Variants in MYMK observed in about 807,000 individuals in gnomAD.
MYMK encodes the protein protein myomaker.
MYMK carries 16 observed loss-of-function variants against 22.4 expected under a neutral mutation model. That is an observed-to-expected ratio of 0.72 (90% CI 0.48 to 1.09). The LOEUF (loss-of-function observed/expected upper bound fraction) is 1.09, where lower values mean the gene tolerates loss of function less well. Ranked by LOEUF, MYMK falls within the 50% of genes least tolerant of loss-of-function variation. MYMK has a pLI of 0.00. For missense variants in MYMK, 250 were observed against 295.6 expected, an observed-to-expected ratio of 0.85 and a Z score of 1.13; for synonymous variants, 125 against 127.0, an observed-to-expected ratio of 0.98 and a Z score of 0.11.
At chr9:133,524,418 G>A (rs569177979) in intron 1 of MYMK, among the ~76,000 whole-genome samples, 11 of 152,220 alleles carry the variant, frequency 7.2e-5, no homozygotes, top group East Asian at 1.9e-4. Flanking sequence ...AAAGGGGCAC[G>A]CTGGAAGGGT....
chr9:133,523,950 G>A (rs1844733378), intron 1 of MYMK, among the ~76,000 whole-genome samples: 1 of 152,108 alleles, frequency 6.6e-6, no homozygotes, highest in African/African-American at 2.4e-5. Flanking sequence ...CCCAGAAAGA[G>A]AGAGAGAGAA....
rs538117168 is a variant in MYMK, at chr9:133,515,563, G to A, written c.444C>T (p.Ser148=). 58 of 1,613,968 alleles carry A rather than the reference G, an allele frequency of 3.6e-5. No homozygotes were observed. Among genetic ancestry groups the A allele is most frequent in the South Asian group, 1.5e-4 (14 of 91,076 alleles). The change falls in exon 4 of 5, where the codon AGC becomes AGT. Residue 148 remains serine, a synonymous_variant. Coordinates refer to ENST00000339996, the MANE Select transcript of MYMK (RefSeq NM_001080483.3). This position sits in a 1 kb window ranked among gnomAD's most constrained non-coding sequence, Gnocchi z 5.8. ...CGGGGCCTATCTGCTGGGTGTAGAC[G>A]CTCTTGTCTGGGTACAGGCCCTTCT... ...KEKKGLYPDK[S]VYTQQIGPGL...
chr9:133,514,864 C>T lies in MYMK; in HGVS notation c.517-79G>A, dbSNP rs1485893130. ...CCCTCTCCAAGACCCAGCAGAGCCC[C>T]TTCAGGCCCCCGCCTCTGCCAGGGC... is the stretch of plus-strand genomic sequence containing the variant. On this transcript the variant is annotated intron_variant, in intron 4 of 4. Coordinates refer to ENST00000339996, the MANE Select transcript of MYMK (RefSeq NM_001080483.3). 2.7e-6 allele frequency: 4 copies of T among 1,468,376 alleles called. No individual in the cohort carries two copies. The Admixed American group carries it at 6.6e-5, about 24-fold the overall frequency. The allele number at this position is 1,468,376 out of a possible 1,614,324, so 91.0% of individuals were successfully genotyped here.
At chr9:133,522,646 G>A (rs1844715042) in intron 1 of MYMK, among the ~76,000 whole-genome samples, 1 of 152,210 alleles carries the variant, frequency 6.6e-6, no homozygotes, top group African/African-American at 2.4e-5. Flanking sequence ...GTGGCCTGGT[G>A]GGTGCTTGTG....
chr9:133,518,847 G>A (rs113493626), intron 3 of MYMK, 27 bp downstream of exon 3: 13 of 1,592,886 alleles, frequency 8.2e-6, no homozygotes, highest in Middle Eastern at 1.7e-4. Context: ...CTGGGTCCCC[G>A]TTCATCGAGG....
At position 133,515,591 on chromosome 9, in the gene MYMK, T is replaced by C; in HGVS notation, c.416A>G (p.Glu139Gly). 6.2e-7 allele frequency: 1 copy of C among 1,612,840 alleles called. No homozygotes were observed. The highest frequency in any genetic ancestry group is 1.1e-5 in the South Asian group (1 of 91,044). Reference sequence around the variant, plus strand: ...CTTGTCTGGGTACAGGCCCTTCTTCTCCTTCATCTTCTGTAGCTGTGAGGA... The same window carrying C: ...CTTGTCTGGGTACAGGCCCTTCTTCCCCTTCATCTTCTGTAGCTGTGAGGA... ...IAAKWLQKMK[E>G]KKGLYPDKSV... Residue 139 changes from glutamate to glycine, a missense_variant, in exon 4 of 5, where the codon GAG becomes GGG. By Grantham distance (98) the Glu-to-Gly change is moderately conservative. Transcript: ENST00000339996. This position sits in a 1 kb window ranked among gnomAD's most constrained non-coding sequence, Gnocchi z 5.8.
At chr9:133,520,047 G>C in intron 2 of MYMK, 127 bp downstream of exon 2, 1 of 669,852 alleles carries the variant, frequency 1.5e-6, no homozygotes, top group Non-Finnish European at 2.7e-6. Context: ...GACAAGGGAA[G>C]ACATTCCTGG....
chr9:133,520,109 G>T, intron 2 of MYMK, 65 bp downstream of exon 2: 1 of 1,284,212 alleles, frequency 7.8e-7, no homozygotes, highest in Non-Finnish European at 1.1e-6. Flanking sequence ...TTTGAGGCTG[G>T]GTGTGCGGAC....
At chr9:133,517,684 A>C (rs1336756696) in intron 3 of MYMK, among the ~76,000 whole-genome samples, 1 of 118,712 alleles carries the variant, frequency 8.4e-6, no homozygotes, top group Non-Finnish European at 1.9e-5. Flanking sequence ...AAAAAAAAAA[A>C]GTCAGGTTCT....
rs1345813773 is a variant in MYMK, at chr9:133,524,820, G to A, written c.25C>T (p.Leu9Phe). ...GCCAGGCTGCTGAGGGTGGGCAGGA[G>A]CAGCTTGGCCACCAGCGTCCCCATG... Reference protein sequence around the residue: MGTLVAKLLLPTLSSLAFL... With the variant: MGTLVAKLFLPTLSSLAFL... The change falls in exon 1 of 5, where the codon CTC (leucine) becomes TTC (phenylalanine). Residue 9 changes from leucine (L) to phenylalanine (F), a missense_variant. Coordinates refer to ENST00000339996, the MANE Select transcript of MYMK (RefSeq NM_001080483.3). 6 of 1,612,764 alleles carry A rather than the reference G, an allele frequency of 3.7e-6. No individual in the cohort carries two copies. Among genetic ancestry groups the A allele is most frequent in the Admixed American group, 1.7e-5 (1 of 59,930 alleles).
At chr9:133,520,383 AG>A (rs1844688954) in intron 1 of MYMK, 95 bp from the exon 2 acceptor site, 1 of 933,848 alleles carries the variant, frequency 1.1e-6, no homozygotes, top group Non-Finnish European at 1.7e-6. Flanking sequence ...GCTGGCTGTG[AG>A]AAGTCACTTT....
Position 133,515,487 on chromosome 9 carries a change from G to A in MYMK, c.516+4C>T, listed in dbSNP as rs1044975691. 8 of 1,600,256 alleles carry A rather than the reference G, an allele frequency of 5.0e-6. No homozygotes were observed. Among genetic ancestry groups the A allele is most frequent in the East Asian group, 2.2e-5 (1 of 44,730 alleles). On this transcript the variant is annotated splice_donor_region_variant and intron_variant, in intron 4 of 4. Coordinates refer to ENST00000339996, the MANE Select transcript of MYMK (RefSeq NM_001080483.3). The surrounding 1 kb of genome is among the most constrained non-coding windows in gnomAD (Gnocchi z 5.8). ...ACAGGACACCTCCCCGCTGGGCTTG[G>A]TACCTCAAAGAAGAAGCGTAGCATC...
At chr9:133,523,848 A>G (rs1380273740) in intron 1 of MYMK, among the ~76,000 whole-genome samples, 1 of 152,132 alleles carries the variant, frequency 6.6e-6, no homozygotes, top group Non-Finnish European at 1.5e-5. Flanking sequence ...CCAGAAATCA[A>G]AAGAGAACCA....
chr9:133,514,676 G>C lies in MYMK; in HGVS notation c.626C>G (p.Ala209Gly). ...NKKAGSPGTPAKLDCSTLCCA... is the reference protein window; with the variant it reads ...NKKAGSPGTPGKLDCSTLCCA... ...GCACAGGGTGGAGCAGTCCAGCTTG[G>C]CCGGGGTCCCCGGGGATCCAGCCTT... Residue 209 changes from alanine to glycine, a missense_variant, in exon 5 of 5, where the codon GCC (alanine) becomes GGC (glycine). By Grantham distance (60) the Ala-to-Gly change is moderately conservative. Coordinates refer to ENST00000339996, the MANE Select transcript of MYMK (RefSeq NM_001080483.3). 2 of 1,613,972 alleles carry C rather than the reference G, an allele frequency of 1.2e-6. No individual in the cohort carries two copies. Among genetic ancestry groups the C allele is most frequent in the Non-Finnish European group, 1.7e-6 (2 of 1,179,842 alleles).
In MYMK at chr9:133,515,820, G is replaced by C. The variant is rs1239079864; in HGVS notation, c.400-213C>G. Among the ~76,000 whole-genome samples, 1 of 152,156 alleles carries C rather than the reference G, an allele frequency of 6.6e-6. No individual in the cohort carries two copies. Among genetic ancestry groups the C allele is most frequent in the Admixed American group, 6.5e-5 (1 of 15,284 alleles). ...GCGACCCAGCAGAGACCCCAGCCTG[G>C]ATGGCTGGGAAGGAAGCCACTGGGC... On this transcript the variant is annotated intron_variant, in intron 3 of 4. Transcript: ENST00000339996. This position sits in a 1 kb window ranked among gnomAD's most constrained non-coding sequence, Gnocchi z 5.8.
chr9:133,519,145 C>T, intron 2 of MYMK, 123 bp from the exon 3 acceptor site: 3 of 1,243,370 alleles, frequency 2.4e-6, no homozygotes, highest in Non-Finnish European at 3.3e-6. Flanking sequence ...TCCCCTCAGC[C>T]AGCGAGACCC....
intron 1 of MYMK, among the ~76,000 whole-genome samples, chr9:133,522,343 C>CGGG (rs35248143): frequency 5.7e-4 from 80 of 140,146 alleles, no homozygotes; most frequent in East Asian, 2.8e-3. Context: ...GAGTGGCTGT[C>CGGG]GGGGGGGGGC....
At chr9:133,521,925 G>A (rs760751092) in intron 1 of MYMK, among the ~76,000 whole-genome samples, 7 of 152,246 alleles carry the variant, frequency 4.6e-5, no homozygotes, top group Non-Finnish European at 7.3e-5. Context: ...GCCCTGCCAG[G>A]AGCAGGAATG....
chr9:133,516,321 C>A (rs968313097), intron 3 of MYMK, among the ~76,000 whole-genome samples: 2 of 152,182 alleles, frequency 1.3e-5, no homozygotes, highest in Admixed American at 6.5e-5. Flanking sequence ...TCTCCCTGAG[C>A]CTGGTCCCCT....
Sources: allele counts gnomAD v4.1 joint callset (sites outside exome capture counted in the v4.1 genomes callset), GRCh38; gene constraint gnomAD v4.1.1; non-coding constraint Gnocchi (gnomAD v3.1); transcripts MANE v1.5; gene names NCBI Gene and HGNC (gene_info 2026-07-23, HGNC 2026-07-21).